The following THSD7A variants were observed in gnomAD, a reference collection of about 807,000 sequenced individuals.
THSD7A encodes thrombospondin type 1 domain containing 7A.
THSD7A carries 96 observed loss-of-function variants against 231.3 expected under a neutral mutation model. That is an observed-to-expected ratio of 0.41 (90% CI 0.35 to 0.49). The LOEUF (loss-of-function observed/expected upper bound fraction) is 0.49. THSD7A is among the 20% of genes least tolerant of loss of function. The probability of loss-of-function intolerance (pLI) is 0.05; values close to 1 mark genes in which losing one functional copy is unlikely to be tolerated. For synonymous variants in THSD7A, 940 were observed against 743.3 expected (o/e 1.26, Z -4.30); for missense variants, 2,290 against 2,070.2 (o/e 1.11, Z -2.06).
rs2074433 is a variant in THSD7A, at chr7:11,447,264, A to G, written c.2766T>C (p.Cys922=). The part of the protein sequence containing the change: ...WSKFSSCNGD[C]GAVRTRKRTL... ...TGCGCTTTCTGGTCCTAACTGCACC[A>G]CAGTCTCCATTGCATGAAGAAAACT... Residue 922 remains cysteine, a synonymous_variant, in exon 12 of 28, where the codon TGT becomes TGC. Transcript: ENST00000423059. The G allele has an allele frequency of 6.4e-4, 1,026 of 1,613,106 alleles. 12 individuals are homozygous for G. In the East Asian group the frequency reaches 0.016, roughly 26 times the overall value.
At chr7:11,651,505 A>ATCTATCTG (rs1562443925) in intron 1 of THSD7A, among the ~76,000 whole-genome samples, 1 of 151,690 alleles carries the variant, frequency 6.6e-6, no homozygotes, top group Non-Finnish European at 1.5e-5. Context: ...CTATCTATCT[A>ATCTATCTG]TCTATCTATC....
Position 11,544,835 on chromosome 7 carries a change from G to A in THSD7A, c.1454-1718C>T, listed in dbSNP as rs570301671. 1.4e-3 allele frequency among the ~76,000 whole-genome samples: 46 copies of A among 32,400 alleles called. No individual in the cohort carries two copies. In the South Asian group the frequency reaches 0.039, roughly 28 times the overall value. 21.3% of individuals were successfully genotyped at this position (32,400 alleles called of 152,430 possible). A position where few individuals can be genotyped will look rare whatever the true frequency, so the allele number is the denominator to read the frequency against. On this transcript the variant is annotated intron_variant, in intron 4 of 27. Transcript: ENST00000423059. Reference sequence around the variant, plus strand: ...CCCCACCCCCACCACTCCCACACTCGCCACTACAGTGAAAATAAATAACTG... The same window carrying A: ...CCCCACCCCCACCACTCCCACACTCACCACTACAGTGAAAATAAATAACTG...
At position 11,744,637 on chromosome 7, in the gene THSD7A, C is replaced by T. The variant is rs183344125; in HGVS notation, c.190+87120G>A. Among the ~76,000 whole-genome samples, 91 of 144,870 alleles carry T rather than the reference C, an allele frequency of 6.3e-4. No homozygotes were observed. In the East Asian group the frequency reaches 0.017, roughly 27 times the overall value. ...GCCCCAGTGTGTGATGTTCCCATTC[C>T]TGTGTCCATGTGTTCTCATTGTTCA... On this transcript the variant is annotated intron_variant, in intron 1 of 27. Coordinates refer to ENST00000423059, the MANE Select transcript of THSD7A (RefSeq NM_015204.3).
rs1789214557 is a variant in THSD7A at position 11,542,944 on chromosome 7, C to T, written c.1609+18G>A. The T allele has an allele frequency of 2.5e-6, 4 of 1,610,928 alleles. No homozygotes were observed. Among genetic ancestry groups the T allele is most frequent in the Non-Finnish European group, 3.4e-6 (4 of 1,178,372 alleles). On this transcript the variant is annotated intron_variant, in intron 5 of 27. Transcript: ENST00000423059. ...CAATTGGTGGGTATAAAAGGCATGT[C>T]ATGGTCACGTTACCTACCTTTTTTC...
chr7:11,743,162 T>TA (rs1302216949), intron 1 of THSD7A, among the ~76,000 whole-genome samples: 1 of 151,930 alleles, frequency 6.6e-6, no homozygotes, highest in African/African-American at 2.4e-5. Context: ...TACGAACACA[T>TA]ACAATTATTT....
At chr7:11,694,979 T>C (rs139124399) in intron 1 of THSD7A, among the ~76,000 whole-genome samples, 81 of 151,668 alleles carry the variant, frequency 5.3e-4, no homozygotes, top group Non-Finnish European at 1.1e-3. Flanking sequence ...CATGGCAGAA[T>C]TCTTACCTAG....
chr7:11,802,184 C>T (rs1784295297), intron 1 of THSD7A, among the ~76,000 whole-genome samples: 1 of 152,134 alleles, frequency 6.6e-6, no homozygotes, highest in African/African-American at 2.4e-5. Context: ...AATCCATCTC[C>T]TTTCCAAATC....
chr7:11,735,862 G>C (rs1781897209), intron 1 of THSD7A, among the ~76,000 whole-genome samples: 1 of 151,818 alleles, frequency 6.6e-6, no homozygotes, highest in Non-Finnish European at 1.5e-5. Context: ...ATGGAAAATT[G>C]ACATACACAT....
intron 6 of THSD7A, among the ~76,000 whole-genome samples, chr7:11,526,269 A>G (rs767340547): frequency 6.6e-6 from 1 of 152,142 alleles, no homozygotes; most frequent in Middle Eastern, 3.2e-3. Flanking sequence ...AAGTTCTTCT[A>G]TACTTCTGTG....
At chr7:11,660,394 T>C (rs1782884794) in intron 1 of THSD7A, among the ~76,000 whole-genome samples, 1 of 151,510 alleles carries the variant, frequency 6.6e-6, no homozygotes, top group South Asian at 2.1e-4. Flanking sequence ...AAAACAATTC[T>C]GGAATATCTA....
At chr7:11,818,227 C>T (rs1024193060) in intron 1 of THSD7A, among the ~76,000 whole-genome samples, 1 of 152,180 alleles carries the variant, frequency 6.6e-6, no homozygotes, top group African/African-American at 2.4e-5. Flanking sequence ...TTTCTACAGA[C>T]TACACAGAAC....
chr7:11,407,185 G>A, intron 20 of THSD7A, 121 bp downstream of exon 20: 1 of 1,454,960 alleles, frequency 6.9e-7, no homozygotes, highest in Non-Finnish European at 9.4e-7. Flanking sequence ...TAGATGTTTT[G>A]CAAAGAAAGA....
intron 4 of THSD7A, among the ~76,000 whole-genome samples, chr7:11,585,532 C>A (rs1228151015): frequency 6.6e-6 from 1 of 152,196 alleles, no homozygotes; most frequent in African/African-American, 2.4e-5. Context: ...CCGCATACGT[C>A]TGGTCACAAA....
At chr7:11,794,872 TA>T (rs1255354797) in intron 1 of THSD7A, among the ~76,000 whole-genome samples, 4 of 152,150 alleles carry the variant, frequency 2.6e-5, no homozygotes, top group African/African-American at 9.6e-5. Flanking sequence ...AACTGAGCTA[TA>T]TTTAGGGACA....
At chr7:11,408,781 T>G (rs1006379216) in intron 19 of THSD7A, among the ~76,000 whole-genome samples, 5 of 152,242 alleles carry the variant, frequency 3.3e-5, no homozygotes, top group South Asian at 2.1e-4. Context: ...CTGCAGGCAC[T>G]CCCATTATAT....
At chr7:11,734,173 T>C (rs11984064) in intron 1 of THSD7A, among the ~76,000 whole-genome samples, 24,703 of 151,806 alleles carry the variant, frequency 0.16, 2,470 homozygotes, top group African/African-American at 0.28. Context: ...TTCTTTCTAG[T>C]GTTATTTCTG....
intron 1 of THSD7A, among the ~76,000 whole-genome samples, chr7:11,783,809 G>A (rs948678242): frequency 2.6e-4 from 39 of 151,924 alleles, no homozygotes; most frequent in African/African-American, 8.9e-4. Flanking sequence ...AGGAAATACT[G>A]CCTTCTTAAT....
intron 1 of THSD7A, among the ~76,000 whole-genome samples, chr7:11,764,058 G>C (rs1782950638): frequency 6.6e-6 from 1 of 152,116 alleles, no homozygotes; most frequent in Non-Finnish European, 1.5e-5. Context: ...ATCAGAAAAA[G>C]AATGTAAATA....
chr7:11,813,853 C>T (rs1373279622), intron 1 of THSD7A, among the ~76,000 whole-genome samples: 4 of 151,974 alleles, frequency 2.6e-5, no homozygotes, highest in African/African-American at 9.7e-5. Flanking sequence ...AATGAAAATA[C>T]ATATCCACAC....
Sources: gnomAD v4.1 joint callset for allele counts (sites outside exome capture counted in the v4.1 genomes callset) on GRCh38, gnomAD v4.1.1 for gene constraint, MANE v1.5 for transcripts, NCBI Gene and HGNC (gene_info 2026-07-23, HGNC 2026-07-21) for gene names.